The following CRX variants were observed in gnomAD, a reference collection of about 807,000 sequenced individuals.
CRX encodes cone-rod homeobox.
A neutral mutation model predicts 13.1 loss-of-function variants in CRX; 5 were observed. The observed-to-expected ratio is 0.38, with a 90% CI of 0.20 to 0.80. The LOEUF is 0.80. CRX is among the 30% of genes least tolerant of loss of function. The pLI is 0.43. For missense variants in CRX, 351 were observed against 391.8 expected, an observed-to-expected ratio of 0.90 and a Z score of 0.88; for synonymous variants, 179 against 171.1, an observed-to-expected ratio of 1.05 and a Z score of -0.36.
chr19:47,837,829 T>C, intron 3 of CRX, among the ~76,000 whole-genome samples: 1 of 152,142 alleles, frequency 6.6e-6, no homozygotes, highest in Non-Finnish European at 1.5e-5. Context: ...CTATGTATGA[T>C]GTATGTATGA....
chr19:47,823,581 G>A (rs1157878288), intron 1 of CRX, among the ~76,000 whole-genome samples: 1 of 152,118 alleles, frequency 6.6e-6, no homozygotes, highest in Non-Finnish European at 1.5e-5. Flanking sequence ...GGCTGACAAG[G>A]GAGGGCCCTG....
chr19:47,831,573 G>A (rs1290190953), intron 1 of CRX, among the ~76,000 whole-genome samples: 4 of 151,960 alleles, frequency 2.6e-5, no homozygotes, highest in Non-Finnish European at 5.9e-5. Flanking sequence ...TCCCATCCAT[G>A]GAAAAATTAT....
At chr19:47,829,657 T>TCTTCCTCTATTGC (rs1375503205) in intron 1 of CRX, among the ~76,000 whole-genome samples, 1 of 151,766 alleles carries the variant, frequency 6.6e-6, no homozygotes, top group African/African-American at 2.4e-5. Context: ...TGAGACAAGG[T>TCTTCCTCTATTGC]CTTCCTCTAT....
intron 2 of CRX, 36 bp downstream of exon 2, chr19:47,834,579 G>C: frequency 6.3e-7 from 1 of 1,577,056 alleles, no homozygotes; most frequent in Non-Finnish European, 8.7e-7. Flanking sequence ...CCCCAGGCTG[G>C]CCTCATCTCT....
Position 47,839,410 on chromosome 19 carries a change from C to A in CRX, c.343C>A (p.Arg115=). The change falls in exon 4 of 4, where the codon CGG becomes AGG. Residue 115 remains arginine (R), a synonymous_variant. Coordinates refer to ENST00000221996, the MANE Select transcript of CRX (RefSeq NM_000554.6). The surrounding 1 kb of genome is among the most constrained non-coding windows in gnomAD (Gnocchi z 4.6). The stretch of plus-strand genomic sequence containing the variant: ...GCCCCCAGGGGGCCAGGCCAAGGCC[C>A]GGCCTGCCAAGAGGAAGGCGGGCAC... ...QQPPGGQAKA[R]PAKRKAGTSP... 1 of 1,613,768 alleles carries A rather than the reference C, an allele frequency of 6.2e-7. No homozygotes were observed. Among genetic ancestry groups the A allele is most frequent in the South Asian group, 1.1e-5 (1 of 91,078 alleles).
At chr19:47,838,439 A>G (rs1338881619) in intron 3 of CRX, among the ~76,000 whole-genome samples, 1 of 152,150 alleles carries the variant, frequency 6.6e-6, no homozygotes, top group African/African-American at 2.4e-5. Context: ...TGTATGATGT[A>G]TGTGTGTACA....
chr19:47,837,974 T>C (rs1968139621), intron 3 of CRX, among the ~76,000 whole-genome samples: 1 of 152,086 alleles, frequency 6.6e-6, no homozygotes, highest in Admixed American at 6.6e-5. Flanking sequence ...TTGTATGCTG[T>C]AGGTATGATG....
intron 1 of CRX, among the ~76,000 whole-genome samples, chr19:47,833,782 A>G (rs1968083536): frequency 6.6e-6 from 1 of 152,002 alleles, no homozygotes; most frequent in East Asian, 1.9e-4. Flanking sequence ...TGGTCAAGAA[A>G]GAAGGGATCT....
At chr19:47,837,459 G>A (rs12971446) in intron 3 of CRX, among the ~76,000 whole-genome samples, 26,900 of 152,206 alleles carry the variant, frequency 0.18, 2,650 homozygotes, top group Non-Finnish European at 0.22. Context: ...GAGCCACCGC[G>A]CCCGGCCGGA....
At position 47,839,995 on chromosome 19, in the gene CRX, G is replaced by T; in HGVS notation, c.*28G>T. On this transcript the variant is annotated 3_prime_UTR_variant, in exon 4 of 4. Coordinates refer to ENST00000221996, the MANE Select transcript of CRX (RefSeq NM_000554.6). The surrounding 1 kb of genome is among the most constrained non-coding windows in gnomAD (Gnocchi z 4.6). ...GACGCAGTCTCCATCTCTCTCCATC[G>T]GGCCTCGGGACCCTTTCTCTTCTGA... 1 of 1,609,622 alleles carries T rather than the reference G, an allele frequency of 6.2e-7. No individual in the cohort carries two copies. The highest frequency in any genetic ancestry group is 1.1e-5 in the South Asian group (1 of 91,038).
intron 1 of CRX, among the ~76,000 whole-genome samples, chr19:47,831,380 C>T (rs566194735): frequency 1.3e-5 from 2 of 151,976 alleles, no homozygotes; most frequent in African/African-American, 2.4e-5. Flanking sequence ...CCCCAACCCC[C>T]GGTTTGTAGT....
At chr19:47,823,411 G>C (rs1413682142) in intron 1 of CRX, among the ~76,000 whole-genome samples, 1 of 152,132 alleles carries the variant, frequency 6.6e-6, no homozygotes, top group Non-Finnish European at 1.5e-5. Flanking sequence ...GATGCTTCAG[G>C]GATCACATTG....
Position 47,841,515 on chromosome 19 carries a change from G to A in CRX, c.*1548G>A, listed in dbSNP as rs1225449717. On this transcript the variant is annotated 3_prime_UTR_variant, in exon 4 of 4. Transcript: ENST00000221996. The stretch of plus-strand genomic sequence containing the variant: ...AAATAAACAAGAGATAGGAAGAGGG[G>A]GAAATAGATTTGGAGGAGGCAGCCC... 6.6e-6 allele frequency: 1 copy of A among 151,972 alleles called. No homozygotes were observed. The highest frequency in any genetic ancestry group is 1.5e-5 in the Non-Finnish European group (1 of 67,980). 9.4% of individuals were successfully genotyped at this position (151,972 alleles called of 1,614,324 possible).
chr19:47,824,626 C>T (rs949954835), intron 1 of CRX, among the ~76,000 whole-genome samples: 5 of 152,148 alleles, frequency 3.3e-5, no homozygotes, highest in African/African-American at 7.2e-5. Context: ...ACCTCCCTCC[C>T]TCCCAGGCTC....
intron 3 of CRX, among the ~76,000 whole-genome samples, chr19:47,837,778 T>A (rs920059866): frequency 1.1e-4 from 17 of 152,186 alleles, no homozygotes; most frequent in African/African-American, 4.1e-4. Flanking sequence ...CTATGTATGA[T>A]GTATGTGTGT....
In CRX at chr19:47,825,714, G is replaced by A. The variant is rs1378934196; in HGVS notation, c.-36+3704G>A. ...GTGGGCGGATCACCTGAGGTCAGAA[G>A]TTTGAGACCAGCCTGGCCAACATGG... On this transcript the variant is annotated intron_variant, in intron 1 of 3. Transcript: ENST00000221996. Among the ~76,000 whole-genome samples the A allele has an allele frequency of 3.3e-5, 5 of 151,166 alleles. No homozygotes were observed. The Admixed American group carries it at 3.3e-4, about 10-fold the overall frequency.
At chr19:47,835,447 C>T (rs142561747) in intron 2 of CRX, among the ~76,000 whole-genome samples, 1,650 of 150,464 alleles carry the variant, frequency 0.011, 31 homozygotes, top group African/African-American at 0.037. Context: ...TGCAATGGCG[C>T]GATCTTGGCT....
intron 1 of CRX, among the ~76,000 whole-genome samples, chr19:47,830,273 C>T (rs115031666): frequency 0.014 from 2,064 of 151,986 alleles, 32 homozygotes; most frequent in African/African-American, 0.047. Context: ...AACGCCGCTG[C>T]ACTCCGGCCT....
chr19:47,839,846 C>A lies in CRX; in HGVS notation c.779C>A (p.Ala260Asp), dbSNP rs1968173268. 3.7e-6 allele frequency: 6 copies of A among 1,614,148 alleles called. No individual in the cohort carries two copies. The highest frequency in any genetic ancestry group is 5.1e-6 in the Non-Finnish European group (6 of 1,180,030). Reference sequence around the variant, plus strand: ...TCCCTATCAGGCCAGAGCTATGGCGCCTACAGCCCCGTGGATAGCTTGGAA... The same window carrying A: ...TCCCTATCAGGCCAGAGCTATGGCGACTACAGCCCCGTGGATAGCTTGGAA... ...PTSLSGQSYG[A>D]YSPVDSLEFK... Residue 260 changes from alanine to aspartate, a missense_variant, in exon 4 of 4, where the codon GCC becomes GAC. This residue lies in a region of CRX where 253 missense variants were observed against 268.3 expected (regional missense o/e 0.94). Transcript: ENST00000221996. This position sits in a 1 kb window ranked among gnomAD's most constrained non-coding sequence, Gnocchi z 4.6.
Sources: allele counts gnomAD v4.1 joint callset (sites outside exome capture counted in the v4.1 genomes callset), GRCh38; gene constraint gnomAD v4.1.1; regional missense constraint gnomAD v4.1.1; non-coding constraint Gnocchi (gnomAD v3.1); transcripts MANE v1.5; gene names NCBI Gene and HGNC (gene_info 2026-07-23, HGNC 2026-07-21).